The following IER5L variants were observed in gnomAD, a reference collection of about 807,000 sequenced individuals.
The protein encoded by IER5L is immediate early response 5 like, also known as immediate early response gene 5-like protein.
Under a neutral mutation model 28.3 loss-of-function variants are expected in IER5L, and 6 were observed. The observed-to-expected ratio is 0.21, with a 90% CI of 0.12 to 0.42. IER5L has a LOEUF of 0.42. IER5L is among the 10% of genes least tolerant of loss of function. The pLI is 1.00. For synonymous variants in IER5L, 351 were observed against 282.5 expected (o/e 1.24, Z -2.43); for missense variants, 607 against 575.2 (o/e 1.06, Z -0.56).
Position 129,177,788 on chromosome 9 carries a change from A to G in IER5L, c.265T>C (p.Phe89Leu). The change falls in exon 1 of 1, where the codon TTC (phenylalanine) becomes CTC (leucine). Residue 89 changes from phenylalanine (F) to leucine (L), a missense_variant. By Grantham distance (22) the Phe-to-Leu change is conservative (BLOSUM62 0). Transcript: ENST00000372491. ...CCGCCGCCAAGTTGGAGCGGGCCGAAGTCGGCCGCGCTGGCCGGCATGCCC... is the reference window on the plus strand; with the variant it reads ...CCGCCGCCAAGTTGGAGCGGGCCGAGGTCGGCCGCGCTGGCCGGCATGCCC... ...APGMPASAAD[F>L]GPLQLGGGGD... The G allele has an allele frequency of 6.7e-7, 1 of 1,490,496 alleles. No individual in the cohort carries two copies. Among genetic ancestry groups the G allele is most frequent in the Non-Finnish European group, 8.9e-7 (1 of 1,125,676 alleles). The allele number at this position is 1,490,496 out of a possible 1,614,324, so 92.3% of individuals were successfully genotyped here. A position where few individuals can be genotyped will look rare whatever the true frequency, so the allele number is the denominator to read the frequency against.
chr9:129,178,026 G>C lies in IER5L; in HGVS notation c.27C>G (p.Ser9Arg). 1 of 1,534,132 alleles carries C rather than the reference G, an allele frequency of 6.5e-7. No individual in the cohort carries two copies. The highest frequency in any genetic ancestry group is 8.8e-7 in the Non-Finnish European group (1 of 1,139,312). ...TCTTGCGCAGGGAGATGCTGATCAG[G>C]CTCTGGGCGTCCAGGGCGCACTCCA... MECALDAQ[S>R]LISISLRKIH... The change falls in exon 1 of 1, where the codon AGC becomes AGG. Residue 9 changes from serine to arginine, a missense_variant. Coordinates refer to ENST00000372491, the MANE Select transcript of IER5L (RefSeq NM_203434.3).
rs1336350828 is a variant in IER5L, at chr9:129,177,999, G to A, written c.54C>T (p.Ile18=). Reference sequence around the variant, plus strand: ...CGCCGCGCTGGGTTCGGGAGCTGTGGATCTTGCGCAGGGAGATGCTGATCA... The same window carrying A: ...CGCCGCGCTGGGTTCGGGAGCTGTGAATCTTGCGCAGGGAGATGCTGATCA... ...QSLISISLRK[I]HSSRTQRGGI... Residue 18 remains isoleucine, a synonymous_variant, in exon 1 of 1, where the codon ATC becomes ATT. Transcript: ENST00000372491. The A allele has an allele frequency of 6.4e-7, 1 of 1,572,364 alleles. No homozygotes were observed.
At position 129,177,385 on chromosome 9, in the gene IER5L, G is replaced by A. The variant is rs775260943; in HGVS notation, c.668C>T (p.Pro223Leu). 4.7e-6 allele frequency: 6 copies of A among 1,277,572 alleles called. No individual in the cohort carries two copies. In the South Asian group the frequency reaches 1.7e-4, roughly 35 times the overall value. The allele number at this position is 1,277,572 out of a possible 1,614,324, so 79.1% of individuals were successfully genotyped here. A position where few individuals can be genotyped will look rare whatever the true frequency, so the allele number is the denominator to read the frequency against. ...GAAPPAAAASPPASPAPASSP... is the reference protein window; with the variant it reads ...GAAPPAAAASLPASPAPASSP... ...GGAGGCGGGGGCCGGGGAGGCGGGC[G>A]GAGAAGCGGCGGCGGCCGGAGGGGC... is the stretch of plus-strand genomic sequence containing the variant. The change falls in exon 1 of 1, where the codon CCG becomes CTG. Residue 223 changes from proline to leucine, a missense_variant. Pro to Leu is a moderately conservative substitution (Grantham distance 98, BLOSUM62 -3). Transcript: ENST00000372491.
Position 129,176,913 on chromosome 9 carries a change from C to T in IER5L, c.1140G>A (p.Pro380=), listed in dbSNP as rs1424620726. The T allele has an allele frequency of 1.2e-6, 2 of 1,603,764 alleles. No individual in the cohort carries two copies. Among genetic ancestry groups the T allele is most frequent in the Non-Finnish European group, 1.7e-6 (2 of 1,176,436 alleles). ...RQPDSSEQPP[P]LNGQLCAKQA... ...GCTTGGCGCACAGCTGCCCGTTGAG[C>T]GGCGGCGGCTGCTCCGAGGAGTCCG... The change falls in exon 1 of 1, where the codon CCG becomes CCA. Residue 380 remains proline, a synonymous_variant. Coordinates refer to ENST00000372491, the MANE Select transcript of IER5L (RefSeq NM_203434.3).
Position 129,176,915 on chromosome 9 carries a change from G to A in IER5L, c.1138C>T (p.Pro380Ser). The A allele has an allele frequency of 6.2e-7, 1 of 1,604,906 alleles. No homozygotes were observed. The highest frequency in any genetic ancestry group is 8.5e-7 in the Non-Finnish European group (1 of 1,176,860). Reference sequence around the variant, plus strand: ...TTGGCGCACAGCTGCCCGTTGAGCGGCGGCGGCTGCTCCGAGGAGTCCGGC... The same window carrying A: ...TTGGCGCACAGCTGCCCGTTGAGCGACGGCGGCTGCTCCGAGGAGTCCGGC... ...RQPDSSEQPP[P>S]LNGQLCAKQA... Residue 380 changes from proline to serine, a missense_variant, in exon 1 of 1, where the codon CCG (proline) becomes TCG (serine). Physicochemically the swap from Pro to Ser is moderately conservative, Grantham distance 74. Coordinates refer to ENST00000372491, the MANE Select transcript of IER5L (RefSeq NM_203434.3).
Position 129,177,472 on chromosome 9 carries a change from G to A in IER5L, c.581C>T (p.Pro194Leu). 11 of 997,730 alleles carry A rather than the reference G, an allele frequency of 1.1e-5. No homozygotes were observed. Among genetic ancestry groups the A allele is most frequent in the Non-Finnish European group, 1.3e-5 (11 of 840,450 alleles). The allele number at this position is 997,730 out of a possible 1,614,324, so 61.8% of individuals were successfully genotyped here. A position where few individuals can be genotyped will look rare whatever the true frequency, so the allele number is the denominator to read the frequency against. Residue 194 changes from proline to leucine, a missense_variant, in exon 1 of 1, where the codon CCC (proline) becomes CTC (leucine). Physicochemically the swap from Pro to Leu is moderately conservative, Grantham distance 98 (BLOSUM62 -3). Coordinates refer to ENST00000372491, the MANE Select transcript of IER5L (RefSeq NM_203434.3). ...PLPLPLPPPA[P>L]AALCPRDPRA... ...AGGGTCCCGCGGGCAGAGCGCAGCGGGCGCGGGCGGCGGCAGCGGCAGCGG... is the reference window on the plus strand; with the variant it reads ...AGGGTCCCGCGGGCAGAGCGCAGCGAGCGCGGGCGGCGGCAGCGGCAGCGG...
rs1829423327 is a variant in IER5L at position 129,177,245 on chromosome 9, C to T, written c.808G>A (p.Gly270Ser). The T allele has an allele frequency of 1.4e-6, 2 of 1,464,290 alleles. No homozygotes were observed. Among genetic ancestry groups the T allele is most frequent in the South Asian group, 1.4e-5 (1 of 69,222 alleles). 90.7% of individuals were successfully genotyped at this position (1,464,290 alleles called of 1,614,324 possible). Residue 270 changes from glycine to serine, a missense_variant, in exon 1 of 1, where the codon GGC becomes AGC. By Grantham distance (56) the Gly-to-Ser change is moderately conservative. Transcript: ENST00000372491. ...GCGCAGCAGTCCTGGTGCAAGTAGC[C>T]GTTCTCCACCGTGGTCACCACGTGA... is the stretch of plus-strand genomic sequence containing the variant. ...DTHVVTTVEN[G>S]YLHQDCCASA... is the part of the protein sequence containing the mutation.
At position 129,175,850 on chromosome 9, in the gene IER5L, C is replaced by T. The variant is rs1829385338; in HGVS notation, c.*988G>A. The T allele has an allele frequency of 6.6e-6, 1 of 152,156 alleles. No individual in the cohort carries two copies. Among genetic ancestry groups the T allele is most frequent in the Admixed American group, 6.5e-5 (1 of 15,280 alleles). The allele number at this position is 152,156 out of a possible 1,614,324, so 9.4% of individuals were successfully genotyped here. ...CAATGCTGGTTTCATGAAATGCAAC[C>T]GAAGGCTGAACCAAGGCAGTGCAAC... On this transcript the variant is annotated 3_prime_UTR_variant, in exon 1 of 1. Transcript: ENST00000372491. This position sits in a 1 kb window ranked among gnomAD's most constrained non-coding sequence, Gnocchi z 5.2.
At position 129,177,905 on chromosome 9, in the gene IER5L, C is replaced by A; in HGVS notation, c.148G>T (p.Glu50Ter). 6.4e-7 allele frequency: 1 copy of A among 1,555,916 alleles called. No homozygotes were observed. The highest frequency in any genetic ancestry group is 8.7e-7 in the Non-Finnish European group (1 of 1,151,380). Reference protein sequence around the residue: ...LRNARQLYLSERYAELYRRQQ... With the variant: ...LRNARQLYLS ...CGCCGGTAGAGCTCGGCGTAGCGCT[C>A]GCTCAGGTAGAGCTGGCGCGCGTTG... The change falls in exon 1 of 1, where the codon GAG (glutamate) becomes TAG (stop). Residue 50 changes from glutamate to a stop codon, truncating the protein, a stop_gained. Coordinates refer to ENST00000372491, the MANE Select transcript of IER5L (RefSeq NM_203434.3). LOFTEE classifies it high-confidence loss of function.
Position 129,177,624 on chromosome 9 carries a change from G to GGCCGCC in IER5L, c.423_428dup (p.Ala142_Ala143dup), listed in dbSNP as rs749690776. 1.4e-5 allele frequency: 16 copies of GGCCGCC among 1,137,942 alleles called. No individual in the cohort carries two copies. In the South Asian group the frequency reaches 1.7e-4, roughly 12 times the overall value. 70.5% of individuals were successfully genotyped at this position (1,137,942 alleles called of 1,614,324 possible). Reference sequence around the variant, plus strand: ...CCCCCGCGCCGCCCGCGGGCGCTCCGGCCGCCGCCGCCGCCGCGCAGCCCC... The same window carrying GGCCGCC: ...CCCCCGCGCCGCCCGCGGGCGCTCCGGCCGCCGCCGCCGCCGCCGCCGCGCAGCCCC... On this transcript the variant is annotated inframe_insertion, in exon 1 of 1. Transcript: ENST00000372491.
rs1267111320 is a variant in IER5L, at chr9:129,178,260, G to A, written c.-208C>T. 5 of 423,890 alleles carry A rather than the reference G, an allele frequency of 1.2e-5. No individual in the cohort carries two copies. The highest frequency in any genetic ancestry group is 3.6e-5 in the East Asian group (1 of 27,504). The allele number at this position is 423,890 out of a possible 1,614,324, so 26.3% of individuals were successfully genotyped here. The stretch of plus-strand genomic sequence containing the variant: ...TCCCCAGACGGCGCCAAAGCAATGA[G>A]TCTCGGCCGGCCCCGGCCCCAGCTA... On this transcript the variant is annotated 5_prime_UTR_variant, in exon 1 of 1. Transcript: ENST00000372491.
In IER5L at chr9:129,176,208, A is replaced by G. The variant is rs1482283798; in HGVS notation, c.*630T>C. On this transcript the variant is annotated 3_prime_UTR_variant, in exon 1 of 1. Transcript: ENST00000372491. ...AAGACACCCGCCCCGGGAAGAAAAG[A>G]AAAAAAAAGTTGAAGTGTTTTCATT... is the stretch of plus-strand genomic sequence containing the variant. 1.3e-5 allele frequency: 2 copies of G among 151,580 alleles called. No individual in the cohort carries two copies. The highest frequency in any genetic ancestry group is 2.9e-5 in the Non-Finnish European group (2 of 67,870). The allele number at this position is 151,580 out of a possible 1,614,324, so 9.4% of individuals were successfully genotyped here. A position where few individuals can be genotyped will look rare whatever the true frequency, so the allele number is the denominator to read the frequency against.
Position 129,176,860 on chromosome 9 carries a change from G to T in IER5L, c.1193C>A (p.Thr398Asn). 6.3e-7 allele frequency: 1 copy of T among 1,598,594 alleles called. No homozygotes were observed. Among genetic ancestry groups the T allele is most frequent in the Non-Finnish European group, 8.5e-7 (1 of 1,174,336 alleles). ...TCCCTAGAAGGCGACAATGGCTCGA[G>T]TCCAGGCGCCGAGGCTGGCGAGCGC... The part of the protein sequence containing the change: ...KQALASLGAW[T>N]RAIVAF The change falls in exon 1 of 1, where the codon ACT becomes AAT. Residue 398 changes from threonine (T) to asparagine (N), a missense_variant. By Grantham distance (65) the Thr-to-Asn change is moderately conservative. Coordinates refer to ENST00000372491, the MANE Select transcript of IER5L (RefSeq NM_203434.3).
chr9:129,177,645 GC>G lies in IER5L; in HGVS notation c.407del (p.Gly136AlafsTer124). On this transcript the variant is annotated frameshift_variant, in exon 1 of 1. Transcript: ENST00000372491. LOFTEE classifies it high-confidence loss of function. The part of the protein sequence containing the change: ...LHQHQHPAPR[G>X]CAAAAAAGAP... ...CTCCGGCCGCCGCCGCCGCCGCGCAGCCCCTGGGCGCCGGGTGCTGGTGCTG... is the reference window on the plus strand; with the variant it reads ...CTCCGGCCGCCGCCGCCGCCGCGCAGCCCTGGGCGCCGGGTGCTGGTGCTG... The G allele has an allele frequency of 7.9e-7, 1 of 1,261,138 alleles. No homozygotes were observed. Among genetic ancestry groups the G allele is most frequent in the Non-Finnish European group, 9.9e-7 (1 of 1,006,150 alleles). 78.1% of individuals were successfully genotyped at this position (1,261,138 alleles called of 1,614,324 possible).
Position 129,176,958 on chromosome 9 carries a change from C to A in IER5L, c.1095G>T (p.Ser365=). 1 of 1,604,058 alleles carries A rather than the reference C, an allele frequency of 6.2e-7. No individual in the cohort carries two copies. Among genetic ancestry groups the A allele is most frequent in the South Asian group, 1.1e-5 (1 of 89,916 alleles). Reference sequence around the variant, plus strand: ...AGTCCGGCTGTCGGCTCACCAGCCCCGAGAAGCCGGAGCCAAAGATGGAGA... The same window carrying A: ...AGTCCGGCTGTCGGCTCACCAGCCCAGAGAAGCCGGAGCCAAAGATGGAGA... ...NLISIFGSGF[S]GLVSRQPDSS... The change falls in exon 1 of 1, where the codon TCG becomes TCT. Residue 365 remains serine, a synonymous_variant. Transcript: ENST00000372491.
rs201443650 is a variant in IER5L, at chr9:129,176,795, C to A, written c.*43G>T. The A allele has an allele frequency of 3.4e-6, 5 of 1,473,320 alleles. No homozygotes were observed. Among genetic ancestry groups the A allele is most frequent in the Non-Finnish European group, 3.6e-6 (4 of 1,116,660 alleles). 91.3% of individuals were successfully genotyped at this position (1,473,320 alleles called of 1,614,324 possible). A position where few individuals can be genotyped will look rare whatever the true frequency, so the allele number is the denominator to read the frequency against. The stretch of plus-strand genomic sequence containing the variant: ...CCCCTTTGCCGAGTCTTTGTCTGGC[C>A]CCAGCCCCGCGGGGCCCCGGGTCCC... On this transcript the variant is annotated 3_prime_UTR_variant, in exon 1 of 1. Coordinates refer to ENST00000372491, the MANE Select transcript of IER5L (RefSeq NM_203434.3).
At position 129,176,758 on chromosome 9, in the gene IER5L, T is replaced by TC; in HGVS notation, c.*79dup. 7.2e-7 allele frequency: 1 copy of TC among 1,389,628 alleles called. No homozygotes were observed. The allele number at this position is 1,389,628 out of a possible 1,614,324, so 86.1% of individuals were successfully genotyped here. A position where few individuals can be genotyped will look rare whatever the true frequency, so the allele number is the denominator to read the frequency against. On this transcript the variant is annotated 3_prime_UTR_variant, in exon 1 of 1. Coordinates refer to ENST00000372491, the MANE Select transcript of IER5L (RefSeq NM_203434.3). The stretch of plus-strand genomic sequence containing the variant: ...CCCGAGTGGCCCGGCGCCCGCTCGT[T>TC]CCCTCCTCTCGCCCCTTTGCCGAGT...
At position 129,177,505 on chromosome 9, in the gene IER5L, G is replaced by T; in HGVS notation, c.548C>A (p.Ala183Glu). Residue 183 changes from alanine to glutamate, a missense_variant, in exon 1 of 1, where the codon GCG becomes GAG. Transcript: ENST00000372491. The part of the protein sequence containing the change: ...QPLEPLQPGP[A>E]PLPLPLPPPA... ...CGGCGGCAGCGGCAGCGGCAGCGGCGCAGGACCCGGCTGCAGAGGCTCCAA... is the reference window on the plus strand; with the variant it reads ...CGGCGGCAGCGGCAGCGGCAGCGGCTCAGGACCCGGCTGCAGAGGCTCCAA... 6 of 987,802 alleles carry T rather than the reference G, an allele frequency of 6.1e-6. No homozygotes were observed. Among genetic ancestry groups the T allele is most frequent in the Non-Finnish European group, 7.2e-6 (6 of 832,976 alleles). The allele number at this position is 987,802 out of a possible 1,614,324, so 61.2% of individuals were successfully genotyped here. A position where few individuals can be genotyped will look rare whatever the true frequency, so the allele number is the denominator to read the frequency against.
chr9:129,176,590 A>T lies in IER5L; in HGVS notation c.*248T>A. 2 of 362,374 alleles carry T rather than the reference A, an allele frequency of 5.5e-6. No individual in the cohort carries two copies. Among genetic ancestry groups the T allele is most frequent in the Non-Finnish European group, 9.5e-6 (2 of 211,314 alleles). 22.4% of individuals were successfully genotyped at this position (362,374 alleles called of 1,614,324 possible). A position where few individuals can be genotyped will look rare whatever the true frequency, so the allele number is the denominator to read the frequency against. On this transcript the variant is annotated 3_prime_UTR_variant, in exon 1 of 1. Transcript: ENST00000372491. ...CAATCACTACAATAAAAAGAAAAAA[A>T]GGAGTAGGAGAAACACAAAGCATAC...
Sources: gnomAD v4.1 joint callset for allele counts on GRCh38, gnomAD v4.1.1 for gene constraint, Gnocchi (gnomAD v3.1) non-coding constraint, MANE v1.5 for transcripts, NCBI Gene and HGNC (gene_info 2026-07-23, HGNC 2026-07-21) for gene names.